Variants in NCOR2 observed in about 807,000 individuals in gnomAD.
NCOR2 encodes CTG repeat protein 26.
NCOR2 carries 81 observed loss-of-function variants against 262.9 expected under a neutral mutation model. The observed-to-expected ratio is 0.31, with a 90% CI of 0.26 to 0.37. The LOEUF is 0.37. Ranked by LOEUF, NCOR2 falls within the 10% of genes least tolerant of loss-of-function variation. The pLI is 1.00. For synonymous variants in NCOR2, 1,659 were observed against 1,559.3 expected (o/e 1.06, Z -1.51); for missense variants, 3,385 against 3,621.4 (o/e 0.93, Z 1.68).
rs889734248 is a variant in NCOR2, at chr12:124,329,011, G to A, written c.6959-1378C>T. ...GGGTGAGTGCTGAAATCACAGCAGCGCGACTGGGCCTTCTACCCAAGGCCA... is the reference window on the plus strand; with the variant it reads ...GGGTGAGTGCTGAAATCACAGCAGCACGACTGGGCCTTCTACCCAAGGCCA... On this transcript the variant is annotated intron_variant, in intron 44 of 46. Coordinates refer to ENST00000405201, the Ensembl canonical transcript of NCOR2. 1.9e-5 allele frequency: 8 copies of A among 426,150 alleles called. No individual in the cohort carries two copies. In the East Asian group the frequency reaches 2.2e-4, roughly 12 times the overall value. The allele number at this position is 426,150 out of a possible 1,614,324, so 26.4% of individuals were successfully genotyped here.
At chr12:124,471,261 C>T (rs2046818350) in intron 4 of NCOR2, among the ~76,000 whole-genome samples, 1 of 152,206 alleles carries the variant, frequency 6.6e-6, no homozygotes, top group Admixed American at 6.5e-5. Context: ...CCTACTCTCA[C>T]CAGCCTTCAC....
At chr12:124,444,277 G>T (rs922916571) in intron 7 of NCOR2, among the ~76,000 whole-genome samples, 1 of 152,222 alleles carries the variant, frequency 6.6e-6, no homozygotes, top group African/African-American at 2.4e-5. Flanking sequence ...TGATGAGTTT[G>T]CTGGTAGAGG....
chr12:124,536,400 C>T (rs138594947), upstream of NCOR2, among the ~76,000 whole-genome samples: 235 of 152,234 alleles, frequency 1.5e-3, 1 homozygote, highest in African/African-American at 5.4e-3. Context: ...TTCTGAGTTA[C>T]CATACAAAGT....
chr12:124,467,701 T>TATCACCCTCATCATCCTC (rs1204724601), intron 4 of NCOR2, among the ~76,000 whole-genome samples: 2 of 103,734 alleles, frequency 1.9e-5, no homozygotes, highest in Non-Finnish European at 3.9e-5. Flanking sequence ...CCATCATCCT[T>TATCACCCTCATCATCCTC]ATCACCCTCA....
At chr12:124,365,961 T>C (rs1391584833) in intron 20 of NCOR2, among the ~76,000 whole-genome samples, 1 of 152,070 alleles carries the variant, frequency 6.6e-6, no homozygotes, top group African/African-American at 2.4e-5. Flanking sequence ...CCCCACAGGT[T>C]TACCTACCAC....
intron 13 of NCOR2, among the ~76,000 whole-genome samples, chr12:124,414,804 T>C (rs1035131077): frequency 6.6e-6 from 1 of 151,986 alleles, no homozygotes; most frequent in African/African-American, 2.4e-5. Context: ...AGGGGGCCCA[T>C]GTCACGGTAG....
rs1039625780 is a variant in NCOR2, at chr12:124,503,551, G to A, written c.-117-8183C>T. The stretch of plus-strand genomic sequence containing the variant: ...CAGATGAATGGATGGATGGATGGAC[G>A]AATGGATGGATGGATAGATGGAAGA... On this transcript the variant is annotated intron_variant, in intron 1 of 46. Transcript: ENST00000404621. The surrounding 1 kb of genome is among the most constrained non-coding windows in gnomAD (Gnocchi z 4.3). Among the ~76,000 whole-genome samples, 4 of 151,124 alleles carry A rather than the reference G, an allele frequency of 2.6e-5. No individual in the cohort carries two copies. Among genetic ancestry groups the A allele is most frequent in the Non-Finnish European group, 4.4e-5 (3 of 67,762 alleles).
intron 7 of NCOR2, among the ~76,000 whole-genome samples, chr12:124,446,987 A>G (rs1243890): frequency 0.9 from 136,557 of 152,178 alleles, 62,211 homozygotes; most frequent in East Asian, 0.99. Flanking sequence ...TGATCTCGGC[A>G]CACTGCAACC....
chr12:124,534,288 C>A (rs950301947), intron 1 of NCOR2, among the ~76,000 whole-genome samples: 1 of 152,130 alleles, frequency 6.6e-6, no homozygotes, highest in Non-Finnish European at 1.5e-5. Flanking sequence ...GAAACCCCAT[C>A]TCTACTACAA....
rs1475471446 is a variant in NCOR2 at position 124,504,423 on chromosome 12, G to A, written c.-117-9055C>T. 6.6e-6 allele frequency among the ~76,000 whole-genome samples: 1 copy of A among 152,168 alleles called. No individual in the cohort carries two copies. The highest frequency in any genetic ancestry group is 1.5e-5 in the Non-Finnish European group (1 of 68,036). The stretch of plus-strand genomic sequence containing the variant: ...TGTCTGGCTTCTCCTAATGAGGGCT[G>A]CTCACACATTGCGGGTGGGAATGTC... On this transcript the variant is annotated intron_variant, in intron 1 of 46. Transcript: ENST00000404621. The surrounding 1 kb of genome is among the most constrained non-coding windows in gnomAD (Gnocchi z 4.5).
intron 1 of NCOR2, among the ~76,000 whole-genome samples, chr12:124,546,950 T>C (rs567693600): frequency 6.6e-6 from 1 of 152,296 alleles, no homozygotes; most frequent in East Asian, 1.9e-4. Flanking sequence ...AGAGTAGTGA[T>C]GCTAGCATAC....
At chr12:124,514,520 G>A (rs978937398) in intron 1 of NCOR2, 7 of 152,180 alleles carry the variant, frequency 4.6e-5, no homozygotes, top group African/African-American at 1.7e-4. Flanking sequence ...TATCAGGGAG[G>A]CTGAAGGTCT....
chr12:124,485,957 C>A (rs1338241787), intron 2 of NCOR2, among the ~76,000 whole-genome samples: 2 of 109,952 alleles, frequency 1.8e-5, no homozygotes, highest in African/African-American at 3.2e-5. Flanking sequence ...CCCCACCCCA[C>A]CTCCCTCCCA....
intron 1 of NCOR2, among the ~76,000 whole-genome samples, chr12:124,491,518 G>A (rs575980105): frequency 1.1e-3 from 160 of 152,270 alleles, no homozygotes; most frequent in South Asian, 2.1e-3. Flanking sequence ...TCAATACTGC[G>A]GCATAGAGAG....
At chr12:124,368,074 G>A (rs1223876799) in intron 20 of NCOR2, among the ~76,000 whole-genome samples, 3 of 152,220 alleles carry the variant, frequency 2.0e-5, no homozygotes, top group Non-Finnish European at 4.4e-5. Flanking sequence ...GCAGTTGCGA[G>A]CAAAGGCTCG....
chr12:124,334,749 G>A (rs1049366024), intron 40 of NCOR2, 132 bp from the exon 43 acceptor site: 2 of 579,656 alleles, frequency 3.5e-6, no homozygotes, highest in Non-Finnish European at 5.9e-6. Flanking sequence ...CTGTGGACCT[G>A]CCCGCCACCC....
intron 20 of NCOR2, among the ~76,000 whole-genome samples, chr12:124,366,521 G>GT (rs911166728): frequency 1.1e-4 from 16 of 151,740 alleles, no homozygotes; most frequent in African/African-American, 2.7e-4. Context: ...AATGATACAC[G>GT]TTTTTTTTGA....
intron 1 of NCOR2, among the ~76,000 whole-genome samples, chr12:124,505,569 C>A (rs926132891): frequency 6.6e-6 from 1 of 152,210 alleles, no homozygotes; most frequent in Non-Finnish European, 1.5e-5. Flanking sequence ...AGGGCTCCCA[C>A]GTGCTGATCA....
At chr12:124,359,283 G>T (rs2038302296) in intron 22 of NCOR2, among the ~76,000 whole-genome samples, 1 of 152,234 alleles carries the variant, frequency 6.6e-6, no homozygotes, top group African/African-American at 2.4e-5. Context: ...GGAATGGCAG[G>T]CAGGTGTCAT....
Sources: allele counts gnomAD v4.1 joint callset (sites outside exome capture counted in the v4.1 genomes callset), GRCh38; gene constraint gnomAD v4.1.1; non-coding constraint Gnocchi (gnomAD v3.1); transcripts MANE v1.5; gene names NCBI Gene and HGNC (gene_info 2026-07-23, HGNC 2026-07-21).